Variants in ZNF611 observed in about 807,000 individuals in gnomAD.
The protein encoded by ZNF611 is zinc finger protein 611.
A neutral mutation model predicts 8.9 loss-of-function variants in ZNF611; 6 were observed. The ratio of observed to expected loss-of-function variants is 0.68; its 90% CI spans 0.37 to 1.34. The LOEUF (loss-of-function observed/expected upper bound fraction) is 1.34. Ranked by LOEUF, ZNF611 falls within the 40% of genes most tolerant of loss-of-function variation. The probability of loss-of-function intolerance (pLI) is 0.02; values close to 1 mark genes in which losing one functional copy is unlikely to be tolerated. For missense variants in ZNF611, 874 were observed against 841.3 expected (o/e 1.04, Z -0.48); for synonymous variants, 262 against 279.7 (o/e 0.94, Z 0.63).
At position 52,731,708 on chromosome 19, in the gene ZNF611, C is replaced by T. The variant is rs555739731; in HGVS notation, c.-221-1703G>A. Among the ~76,000 whole-genome samples, 7 of 152,114 alleles carry T rather than the reference C, an allele frequency of 4.6e-5. No individual in the cohort carries two copies. The South Asian group carries it at 6.2e-4, about 14-fold the overall frequency. On this transcript the variant is annotated intron_variant, in intron 1 of 5. Transcript: ENST00000652185. ...ACTATGGGCTAGGCGTGGTGGCTTACGCCCGTAATCCCAGCACTTTGGGAG... is the reference window on the plus strand; with the variant it reads ...ACTATGGGCTAGGCGTGGTGGCTTATGCCCGTAATCCCAGCACTTTGGGAG...
At chr19:52,715,196 G>A (rs2147428601) in intron 4 of ZNF611, among the ~76,000 whole-genome samples, 1 of 152,134 alleles carries the variant, frequency 6.6e-6, no homozygotes, top group South Asian at 2.1e-4. Flanking sequence ...AGTGGCTCAT[G>A]CCTGTAATCC....
At chr19:52,713,425 C>T (rs1353596844) in intron 5 of ZNF611, among the ~76,000 whole-genome samples, 1 of 152,110 alleles carries the variant, frequency 6.6e-6, no homozygotes, top group East Asian at 1.9e-4. Context: ...AAAAATGTGA[C>T]ATGAACAAGA....
intron 3 of ZNF611, chr19:52,717,824 T>G (rs1600319771): frequency 2.7e-6 from 1 of 365,098 alleles, no homozygotes; most frequent in Non-Finnish European, 3.8e-6. Context: ...CATGTTAGGG[T>G]AAGGAAAAAA....
intron 3 of ZNF611, chr19:52,724,713 C>T (rs1215288251): frequency 6.6e-6 from 1 of 152,630 alleles, no homozygotes; most frequent in Non-Finnish European, 1.5e-5. Context: ...CCCCAGATCC[C>T]CAGGTGTCCT....
intron 3 of ZNF611, among the ~76,000 whole-genome samples, chr19:52,720,715 G>C (rs1408396240): frequency 1.3e-5 from 2 of 150,042 alleles, no homozygotes; most frequent in East Asian, 4.0e-4. Context: ...GGCGTGGCCG[G>C]GCAGAGGCAC....
chr19:52,717,197 C>T (rs974877353), intron 3 of ZNF611, among the ~76,000 whole-genome samples: 1 of 152,158 alleles, frequency 6.6e-6, no homozygotes, highest in African/African-American at 2.4e-5. Context: ...TCTCATGTCT[C>T]CATAAAATGT....
chr19:52,704,229 T>C lies in ZNF611; in HGVS notation c.*708A>G. 4.7e-6 allele frequency: 2 copies of C among 426,568 alleles called. No individual in the cohort carries two copies. The highest frequency in any genetic ancestry group is 1.2e-4 in the East Asian group (2 of 16,130). The allele number at this position is 426,568 out of a possible 1,614,324, so 26.4% of individuals were successfully genotyped here. On this transcript the variant is annotated 3_prime_UTR_variant, in exon 6 of 6. Transcript: ENST00000652185. ...AGTCAATGCTGAATTGACTCCAATG[T>C]CAATTAATGCTTGATGGTTTGCTAT...
At chr19:52,727,375 TA>T (rs1568609363) in intron 3 of ZNF611, among the ~76,000 whole-genome samples, 1 of 152,188 alleles carries the variant, frequency 6.6e-6, no homozygotes, top group Non-Finnish European at 1.5e-5. Context: ...ACGTCACTGT[TA>T]CTATACAACC....
At chr19:52,709,715 G>T (rs2062268033) in intron 5 of ZNF611, among the ~76,000 whole-genome samples, 1 of 152,050 alleles carries the variant, frequency 6.6e-6, no homozygotes, top group Non-Finnish European at 1.5e-5. Flanking sequence ...TTACAGGCAT[G>T]TGCCACCACT....
At chr19:52,718,979 T>C (rs1258182168) in intron 3 of ZNF611, among the ~76,000 whole-genome samples, 1 of 152,132 alleles carries the variant, frequency 6.6e-6, no homozygotes, top group Non-Finnish European at 1.5e-5. Flanking sequence ...AAGAGCAGTC[T>C]GGCCAAGATG....
intron 3 of ZNF611, among the ~76,000 whole-genome samples, chr19:52,719,130 C>T (rs1340093775): frequency 5.9e-5 from 9 of 152,044 alleles, no homozygotes; most frequent in African/African-American, 2.2e-4. Flanking sequence ...GATCACTCCA[C>T]TGCACTCCAG....
At chr19:52,732,813 G>A (rs867832684) in intron 1 of ZNF611, among the ~76,000 whole-genome samples, 1 of 151,676 alleles carries the variant, frequency 6.6e-6, no homozygotes, top group Non-Finnish European at 1.5e-5. Flanking sequence ...AACTAGCCGG[G>A]CTTGGTGGCT....
At chr19:52,717,411 G>T (rs1232109878) in intron 3 of ZNF611, among the ~76,000 whole-genome samples, 1 of 152,164 alleles carries the variant, frequency 6.6e-6, no homozygotes, top group Non-Finnish European at 1.5e-5. Flanking sequence ...GTCCTAGGCA[G>T]AGGGACAGCT....
At chr19:52,711,525 CAG>C in intron 5 of ZNF611, among the ~76,000 whole-genome samples, 1 of 152,126 alleles carries the variant, frequency 6.6e-6, no homozygotes, top group Non-Finnish European at 1.5e-5. Context: ...GCACAATAGT[CAG>C]CGCAGGCAGG....
chr19:52,729,556 T>C (rs942151225), intron 2 of ZNF611, among the ~76,000 whole-genome samples: 14 of 150,252 alleles, frequency 9.3e-5, no homozygotes, highest in African/African-American at 3.4e-4. Flanking sequence ...AATACAATAT[T>C]TTTCTGAATA....
At chr19:52,714,988 C>T (rs1397885826) in intron 4 of ZNF611, among the ~76,000 whole-genome samples, 1 of 152,064 alleles carries the variant, frequency 6.6e-6, no homozygotes. Context: ...CAGAGCAAGA[C>T]TCCATCTCAC....
intron 5 of ZNF611, among the ~76,000 whole-genome samples, chr19:52,709,267 T>C (rs116635476): frequency 0.012 from 1,856 of 152,152 alleles, 33 homozygotes; most frequent in African/African-American, 0.042. Context: ...CTCTTTACTA[T>C]TTATTTTTAT....
In ZNF611 at chr19:52,704,903, TC is replaced by T. The variant is rs1264417262; in HGVS notation, c.*33del. Reference sequence around the variant, plus strand: ...TCTCCTATGTCTTTAAGGTGTGATTTCCAAATGGAAACTTTGTCACATGCTT... The same window carrying T: ...TCTCCTATGTCTTTAAGGTGTGATTTCAAATGGAAACTTTGTCACATGCTT... On this transcript the variant is annotated 3_prime_UTR_variant, in exon 6 of 6. Coordinates refer to ENST00000652185, the MANE Select transcript of ZNF611 (RefSeq NM_001161499.2). 1 of 1,612,030 alleles carries T rather than the reference TC, an allele frequency of 6.2e-7. No individual in the cohort carries two copies. The highest frequency in any genetic ancestry group is 1.3e-5 in the African/African-American group (1 of 74,786).
chr19:52,718,250 G>A (rs1282464149), intron 3 of ZNF611, among the ~76,000 whole-genome samples: 1 of 152,166 alleles, frequency 6.6e-6, no homozygotes, highest in Non-Finnish European at 1.5e-5. Flanking sequence ...TGAGGCAGGA[G>A]AATCCCTTAA....
Sources: gnomAD v4.1 joint callset for allele counts (sites outside exome capture counted in the v4.1 genomes callset) on GRCh38, gnomAD v4.1.1 for gene constraint, MANE v1.5 for transcripts, NCBI Gene and HGNC (gene_info 2026-07-23, HGNC 2026-07-21) for gene names.